DOLPP1: variants seen among roughly 807,000 people sequenced by gnomAD.
The protein encoded by DOLPP1 is dolichyl pyrophosphate phosphatase 1.
Under a neutral mutation model 34.1 loss-of-function variants are expected in DOLPP1, and 15 were observed. That is an observed-to-expected ratio of 0.44 (90% confidence interval 0.29 to 0.68). The LOEUF is 0.68. Among genes scored for constraint, DOLPP1 ranks in the 30% least tolerant of loss-of-function variants. The probability of loss-of-function intolerance (pLI) is 0.12; values close to 1 mark genes in which losing one functional copy is unlikely to be tolerated. For synonymous variants in DOLPP1, 130 were observed against 128.2 expected, an observed-to-expected ratio of 1.01 and a Z score of -0.10; for missense variants, 249 against 307.1, an observed-to-expected ratio of 0.81 and a Z score of 1.41.
At position 129,081,203 on chromosome 9, in the gene DOLPP1, T is replaced by C. The variant is rs1846879069; in HGVS notation, c.72T>C (p.Pro24=). Residue 24 remains proline (P), a synonymous_variant, in exon 1 of 8, where the codon CCT becomes CCC. Coordinates refer to ENST00000372546, the MANE Select transcript of DOLPP1 (RefSeq NM_020438.5). ...RPVTLTHVEY[P]AGDLSGHLLA... is the part of the protein sequence containing the mutation. ...TGACCCTCACCCACGTCGAATATCC[T>C]GCAGGTAAAAGGCGGTCCCGGCTCC... is the stretch of plus-strand genomic sequence containing the variant. 2 of 1,609,834 alleles carry C rather than the reference T, an allele frequency of 1.2e-6. No homozygotes were observed. Among genetic ancestry groups the C allele is most frequent in the Non-Finnish European group, 1.7e-6 (2 of 1,179,566 alleles).
intron 7 of DOLPP1, among the ~76,000 whole-genome samples, chr9:129,087,517 C>T (rs920041508): frequency 1.3e-5 from 2 of 152,064 alleles, no homozygotes; most frequent in Non-Finnish European, 2.9e-5. Context: ...GGGGTTTCAC[C>T]GTGTTAGCCA....
chr9:129,084,618 C>T (rs997629331), intron 1 of DOLPP1, 50 bp from the exon 2 acceptor site: 1 of 1,342,006 alleles, frequency 7.5e-7, no homozygotes, highest in South Asian at 1.2e-5. Context: ...GCTGGTCCCT[C>T]TTCTGATGCC....
chr9:129,086,336 C>A, intron 6 of DOLPP1, 69 bp downstream of exon 6: 2 of 1,575,918 alleles, frequency 1.3e-6, no homozygotes, highest in Non-Finnish European at 1.7e-6. Context: ...CATCAGTGGG[C>A]GGACCTAGGA....
chr9:129,088,838 C>A, intron 7 of DOLPP1, 133 bp from the exon 8 acceptor site: 1 of 844,450 alleles, frequency 1.2e-6, no homozygotes, highest in Non-Finnish European at 1.9e-6. Flanking sequence ...TCTGATTGGC[C>A]CAGTTCAGGT....
At position 129,083,060 on chromosome 9, in the gene DOLPP1, G is replaced by A. The variant is rs952272661; in HGVS notation, c.77-1608G>A. On this transcript the variant is annotated intron_variant, in intron 1 of 7. Transcript: ENST00000372546. ...AAGGTCCAGAAGTAGGACAGGGCAC[G>A]ATGCGCTCAGGGAACTCGAGTTTGG... Among the ~76,000 whole-genome samples, 3 of 152,180 alleles carry A rather than the reference G, an allele frequency of 2.0e-5. No homozygotes were observed. The South Asian group carries it at 6.2e-4, about 32-fold the overall frequency.
intron 7 of DOLPP1, among the ~76,000 whole-genome samples, chr9:129,088,298 C>T (rs918301963): frequency 6.6e-6 from 1 of 152,022 alleles, no homozygotes; most frequent in Admixed American, 6.5e-5. Flanking sequence ...GGCTGGAGCC[C>T]AGGGAGCAAG....
Position 129,085,402 on chromosome 9 carries a change from AG to A in DOLPP1, c.362+100del. The stretch of plus-strand genomic sequence containing the variant: ...GCCCTTTGGATGCCCCTGGGGTGGG[AG>A]GGGCTGCAGCGGAGGCAGAAGGTAC... On this transcript the variant is annotated intron_variant, in intron 4 of 7. Coordinates refer to ENST00000372546, the MANE Select transcript of DOLPP1 (RefSeq NM_020438.5). The surrounding 1 kb of genome is among the most constrained non-coding windows in gnomAD (Gnocchi z 7.0). 2 of 1,511,448 alleles carry A rather than the reference AG, an allele frequency of 1.3e-6. No homozygotes were observed. The highest frequency in any genetic ancestry group is 3.4e-5 in the Admixed American group (2 of 59,418). 93.6% of individuals were successfully genotyped at this position (1,511,448 alleles called of 1,614,324 possible).
Position 129,085,051 on chromosome 9 carries a change from A to G in DOLPP1, c.206A>G (p.Asn69Ser). The G allele has an allele frequency of 6.3e-7, 1 of 1,585,444 alleles. No homozygotes were observed. Among genetic ancestry groups the G allele is most frequent in the Non-Finnish European group, 8.6e-7 (1 of 1,165,974 alleles). Residue 69 changes from asparagine (N) to serine (S), a missense_variant, in exon 3 of 8, where the codon AAC becomes AGC. Physicochemically the swap from Asn to Ser is conservative, Grantham distance 46 (BLOSUM62 1). Coordinates refer to ENST00000372546, the MANE Select transcript of DOLPP1 (RefSeq NM_020438.5). This position sits in a 1 kb window ranked among gnomAD's most constrained non-coding sequence, Gnocchi z 7.0. ...TISFLGGLAL[N>S]EGVNWLIKNV... Reference sequence around the variant, plus strand: ...TCCTTCCTTGGGGGCCTGGCACTGAACGAGGGGGTCAACTGGCTGATCAAA... The same window carrying G: ...TCCTTCCTTGGGGGCCTGGCACTGAGCGAGGGGGTCAACTGGCTGATCAAA...
At chr9:129,082,082 G>A (rs1263675904) in intron 1 of DOLPP1, among the ~76,000 whole-genome samples, 2 of 152,244 alleles carry the variant, frequency 1.3e-5, no homozygotes, top group Non-Finnish European at 2.9e-5. Flanking sequence ...GTAAATACCT[G>A]CAGTTAATGT....
At position 129,085,587 on chromosome 9, in the gene DOLPP1, C is replaced by A. The variant is rs766794929; in HGVS notation, c.432C>A (p.Leu144=). Residue 144 remains leucine, a synonymous_variant, in exon 5 of 8, where the codon CTC becomes CTA. Transcript: ENST00000372546. This position sits in a 1 kb window ranked among gnomAD's most constrained non-coding sequence, Gnocchi z 7.0. ...GGCACGTGCTCTCCCTGGGACTCCT[C>A]GCTGTGGCCTTCCTAGTCTCCTACA... ...LWRHVLSLGL[L]AVAFLVSYSR... is the part of the protein sequence containing the mutation. 8 of 1,613,358 alleles carry A rather than the reference C, an allele frequency of 5.0e-6. No homozygotes were observed. In the East Asian group the frequency reaches 1.6e-4, roughly 31 times the overall value.
chr9:129,084,379 A>G (rs1846944411), intron 1 of DOLPP1, among the ~76,000 whole-genome samples: 2 of 152,248 alleles, frequency 1.3e-5, no homozygotes, highest in Admixed American at 6.5e-5. Context: ...TGGGCGAGTC[A>G]CATAGTTGCT....
chr9:129,088,845 A>G (rs1201435964), intron 7 of DOLPP1, 126 bp from the exon 8 acceptor site: 5 of 894,918 alleles, frequency 5.6e-6, no homozygotes, highest in Non-Finnish European at 9.0e-6. Context: ...GGCCCAGTTC[A>G]GGTCAATCGC....
chr9:129,087,576 A>G (rs1213035155), intron 7 of DOLPP1, among the ~76,000 whole-genome samples: 1 of 151,936 alleles, frequency 6.6e-6, no homozygotes, highest in African/African-American at 2.4e-5. Flanking sequence ...TCGGCCTTCC[A>G]AAGTGCTGGG....
Position 129,089,098 on chromosome 9 carries a change from C to A in DOLPP1, c.*91C>A. The A allele has an allele frequency of 1.5e-6, 2 of 1,320,904 alleles. No individual in the cohort carries two copies. Among genetic ancestry groups the A allele is most frequent in the Non-Finnish European group, 2.2e-6 (2 of 926,264 alleles). 81.8% of individuals were successfully genotyped at this position (1,320,904 alleles called of 1,614,324 possible). On this transcript the variant is annotated 3_prime_UTR_variant, in exon 8 of 8. Coordinates refer to ENST00000372546, the MANE Select transcript of DOLPP1 (RefSeq NM_020438.5). The surrounding 1 kb of genome is among the most constrained non-coding windows in gnomAD (Gnocchi z 4.9). ...ATGACAGACAGGGACGAAGCAGAGA[C>A]CTCTACAGACCCAAGTCACCAAGTG...
Position 129,085,701 on chromosome 9 carries a change from C to A in DOLPP1, c.461+85C>A. The A allele has an allele frequency of 1.8e-6, 2 of 1,097,428 alleles. No homozygotes were observed. Among genetic ancestry groups the A allele is most frequent in the Non-Finnish European group, 2.6e-6 (2 of 760,106 alleles). The allele number at this position is 1,097,428 out of a possible 1,614,324, so 68.0% of individuals were successfully genotyped here. On this transcript the variant is annotated intron_variant, in intron 5 of 7. Transcript: ENST00000372546. This position sits in a 1 kb window ranked among gnomAD's most constrained non-coding sequence, Gnocchi z 7.0. ...GGTCCCTGTCGGACCCCACCATGGA[C>A]CCTAGTCCCAGAACCTGTAGTGCAG...
chr9:129,089,128 C>G lies in DOLPP1; in HGVS notation c.*121C>G. 4.4e-6 allele frequency: 4 copies of G among 902,962 alleles called. No homozygotes were observed. Among genetic ancestry groups the G allele is most frequent in the Non-Finnish European group, 6.8e-6 (4 of 590,304 alleles). The allele number at this position is 902,962 out of a possible 1,614,324, so 55.9% of individuals were successfully genotyped here. On this transcript the variant is annotated 3_prime_UTR_variant, in exon 8 of 8. Transcript: ENST00000372546. The surrounding 1 kb of genome is among the most constrained non-coding windows in gnomAD (Gnocchi z 4.9). ...ACAGACCCAAGTCACCAAGTGGAGC[C>G]TTTTTTTTTCTTATTTTAATTTTAA...
At position 129,090,191 on chromosome 9, in the gene DOLPP1, C is replaced by G. The variant is rs1465575071; in HGVS notation, c.*1184C>G. On this transcript the variant is annotated 3_prime_UTR_variant, in exon 8 of 8. Coordinates refer to ENST00000372546, the MANE Select transcript of DOLPP1 (RefSeq NM_020438.5). ...CCCTTTCTTTGTGGAGTTTCCTAAC[C>G]TGCTGCTGAAGCACAATGTTTTGGT... 6.6e-6 allele frequency: 1 copy of G among 152,620 alleles called. No homozygotes were observed. The highest frequency in any genetic ancestry group is 1.5e-5 in the Non-Finnish European group (1 of 68,044). The allele number at this position is 152,620 out of a possible 1,614,324, so 9.5% of individuals were successfully genotyped here.
At position 129,084,665 on chromosome 9, in the gene DOLPP1, C is replaced by G; in HGVS notation, c.77-3C>G. ...CTCCTGATTCTGTTCTCTGTCTTGC[C>G]AGGTGATCTCTCTGGCCACCTCCTT... On this transcript the variant is annotated splice_region_variant and splice_polypyrimidine_tract_variant and intron_variant, in intron 1 of 7. Transcript: ENST00000372546. The G allele has an allele frequency of 6.2e-7, 1 of 1,600,286 alleles. No individual in the cohort carries two copies. Among genetic ancestry groups the G allele is most frequent in the Non-Finnish European group, 8.6e-7 (1 of 1,167,154 alleles).
Position 129,085,696 on chromosome 9 carries a change from A to G in DOLPP1, c.461+80A>G. 1 of 1,157,230 alleles carries G rather than the reference A, an allele frequency of 8.6e-7. No homozygotes were observed. The highest frequency in any genetic ancestry group is 1.2e-6 in the Non-Finnish European group (1 of 809,230). 71.7% of individuals were successfully genotyped at this position (1,157,230 alleles called of 1,614,324 possible). A position where few individuals can be genotyped will look rare whatever the true frequency, so the allele number is the denominator to read the frequency against. ...TTCCTGGTCCCTGTCGGACCCCACCATGGACCCTAGTCCCAGAACCTGTAG... is the reference window on the plus strand; with the variant it reads ...TTCCTGGTCCCTGTCGGACCCCACCGTGGACCCTAGTCCCAGAACCTGTAG... On this transcript the variant is annotated intron_variant, in intron 5 of 7. Coordinates refer to ENST00000372546, the MANE Select transcript of DOLPP1 (RefSeq NM_020438.5). The surrounding 1 kb of genome is among the most constrained non-coding windows in gnomAD (Gnocchi z 7.0).
Sources: allele counts gnomAD v4.1 joint callset (sites outside exome capture counted in the v4.1 genomes callset), GRCh38; gene constraint gnomAD v4.1.1; non-coding constraint Gnocchi (gnomAD v3.1); transcripts MANE v1.5; gene names NCBI Gene and HGNC (gene_info 2026-07-23, HGNC 2026-07-21).